Variants in LLGL2 observed in about 807,000 individuals in gnomAD.
LLGL2 encodes the protein LLGL2, scribble cell polarity complex component.
LLGL2 carries 81 observed loss-of-function variants against 123.2 expected under a neutral mutation model. The ratio of observed to expected loss-of-function variants is 0.66; its 90% CI spans 0.55 to 0.79. The LOEUF is 0.79. Ranked by LOEUF, LLGL2 falls within the 30% of genes least tolerant of loss-of-function variation. The pLI is 0.00. For missense variants in LLGL2, 1,273 were observed against 1,414.6 expected (o/e 0.90, Z 1.61); for synonymous variants, 577 against 594.1 (o/e 0.97, Z 0.42).
At chr17:75,567,969 A>C in intron 10 of LLGL2, 1 of 721,194 alleles carries the variant, frequency 1.4e-6, no homozygotes, top group Non-Finnish European at 1.7e-6. Context: ...AAAAAAAGAC[A>C]AATGGTTTAA....
intron 1 of LLGL2, among the ~76,000 whole-genome samples, chr17:75,539,533 C>T (rs1350552079): frequency 2.7e-5 from 4 of 149,762 alleles, no homozygotes; most frequent in African/African-American, 9.8e-5. Context: ...AGTGAGCCAC[C>T]GTGCCCAGCC....
At chr17:75,529,069 T>C (rs1874555223) in intron 1 of LLGL2, among the ~76,000 whole-genome samples, 1 of 151,508 alleles carries the variant, frequency 6.6e-6, no homozygotes, top group African/African-American at 2.4e-5. Context: ...GGCAGGAGAA[T>C]CGCTTGAACC....
At position 75,574,965 on chromosome 17, in the gene LLGL2, C is replaced by T; in HGVS notation, c.*87C>T. Reference sequence around the variant, plus strand: ...CCTGCCCCAACCGGAGAGGCCGGTGCACAGGGCCCCGCCAGGGGCTGGGGG... The same window carrying T: ...CCTGCCCCAACCGGAGAGGCCGGTGTACAGGGCCCCGCCAGGGGCTGGGGG... On this transcript the variant is annotated 3_prime_UTR_variant, in exon 26 of 26. Coordinates refer to ENST00000392550, the MANE Select transcript of LLGL2 (RefSeq NM_001031803.2). 1 of 1,589,562 alleles carries T rather than the reference C, an allele frequency of 6.3e-7. No homozygotes were observed. The highest frequency in any genetic ancestry group is 8.6e-7 in the Non-Finnish European group (1 of 1,158,566).
chr17:75,549,392 G>A lies in LLGL2; in HGVS notation c.75+5891G>A, dbSNP rs1173713523. ...GCAGCCACACCCATCAGGGCAAACAGGCTGCTGTGCTTGCCCGGCTGCCGC... is the reference window on the plus strand; with the variant it reads ...GCAGCCACACCCATCAGGGCAAACAAGCTGCTGTGCTTGCCCGGCTGCCGC... On this transcript the variant is annotated intron_variant, in intron 2 of 25. Coordinates refer to ENST00000392550, the MANE Select transcript of LLGL2 (RefSeq NM_001031803.2). The surrounding 1 kb of genome is among the most constrained non-coding windows in gnomAD (Gnocchi z 4.0). Among the ~76,000 whole-genome samples, 1 of 152,188 alleles carries A rather than the reference G, an allele frequency of 6.6e-6. No homozygotes were observed. The highest frequency in any genetic ancestry group is 2.4e-5 in the African/African-American group (1 of 41,448).
chr17:75,563,736 A>T lies in LLGL2; in HGVS notation c.827-16A>T, dbSNP rs1568061322. 1 of 1,614,044 alleles carries T rather than the reference A, an allele frequency of 6.2e-7. No homozygotes were observed. Among genetic ancestry groups the T allele is most frequent in the East Asian group, 2.2e-5 (1 of 44,880 alleles). Reference sequence around the variant, plus strand: ...AGAGTTTGAGGATCCGTTCAAGCCGATTCCTTTCCTTTCAGGTCCCTTTCC... The same window carrying T: ...AGAGTTTGAGGATCCGTTCAAGCCGTTTCCTTTCCTTTCAGGTCCCTTTCC... On this transcript the variant is annotated splice_polypyrimidine_tract_variant and intron_variant, in intron 8 of 25. Transcript: ENST00000392550.
Position 75,564,291 on chromosome 17 carries a change from C to A in LLGL2, c.882-62C>A. 6.4e-7 allele frequency: 1 copy of A among 1,551,038 alleles called. No individual in the cohort carries two copies. The highest frequency in any genetic ancestry group is 8.7e-7 in the Non-Finnish European group (1 of 1,151,768). The stretch of plus-strand genomic sequence containing the variant: ...ACTGAGTGGTGACTTTGATTGCCGG[C>A]CTGTGGCTGTTGAGGCTGTGCCAGG... On this transcript the variant is annotated intron_variant, in intron 9 of 25. Transcript: ENST00000392550. This position sits in a 1 kb window ranked among gnomAD's most constrained non-coding sequence, Gnocchi z 4.9.
intron 1 of LLGL2, among the ~76,000 whole-genome samples, chr17:75,541,683 A>G (rs2054211174): frequency 7.1e-6 from 1 of 141,802 alleles, no homozygotes; most frequent in Non-Finnish European, 1.5e-5. Context: ...CTGACCGTGC[A>G]GATCCTTTCA....
chr17:75,574,766 C>T (rs919772289), intron 25 of LLGL2, 98 bp downstream of exon 25: 55 of 1,588,498 alleles, frequency 3.5e-5, no homozygotes, highest in East Asian at 4.5e-5. Context: ...GGGGCTGACA[C>T]GTGCCCTGAT....
At chr17:75,528,923 C>T (rs1038381500) in intron 1 of LLGL2, among the ~76,000 whole-genome samples, 7 of 151,904 alleles carry the variant, frequency 4.6e-5, no homozygotes, top group Admixed American at 1.3e-4. Context: ...CTTTGGGAGG[C>T]GGAAGCAGGC....
rs2054731831 is a variant in LLGL2 at position 75,552,679 on chromosome 17, T to A, written c.76-3367T>A. ...AAGTACTAGATCTGTATTTAGAATT[T>A]GGATGATTTACAGTGGAAAAAGGGA... On this transcript the variant is annotated intron_variant, in intron 2 of 25. Coordinates refer to ENST00000392550, the MANE Select transcript of LLGL2 (RefSeq NM_001031803.2). Among the ~76,000 whole-genome samples the A allele has an allele frequency of 2.0e-5, 3 of 152,246 alleles. No individual in the cohort carries two copies. The South Asian group carries it at 6.2e-4, about 31-fold the overall frequency.
At position 75,568,548 on chromosome 17, in the gene LLGL2, G is replaced by T. The variant is rs750317285; in HGVS notation, c.1109G>T (p.Gly370Val). 4 of 1,613,658 alleles carry T rather than the reference G, an allele frequency of 2.5e-6. No homozygotes were observed. Among genetic ancestry groups the T allele is most frequent in the Non-Finnish European group, 3.4e-6 (4 of 1,180,002 alleles). The change falls in exon 11 of 26, where the codon GGC becomes GTC. Residue 370 changes from glycine to valine, a missense_variant. By Grantham distance (109) the Gly-to-Val change is moderately radical. Coordinates refer to ENST00000392550, the MANE Select transcript of LLGL2 (RefSeq NM_001031803.2). ...ELVVIDLQTA[G>V]WPPVQLPYLA... is the part of the protein sequence containing the mutation. ...GTGGTGATTGACCTGCAGACAGCAGGCTGGCCACCGGTCCAGCTGCCCTAC... is the reference window on the plus strand; with the variant it reads ...GTGGTGATTGACCTGCAGACAGCAGTCTGGCCACCGGTCCAGCTGCCCTAC...
In LLGL2 at chr17:75,573,481, G is replaced by T; in HGVS notation, c.2726G>T (p.Gly909Val). The T allele has an allele frequency of 3.1e-6, 5 of 1,607,406 alleles. No individual in the cohort carries two copies. Among genetic ancestry groups the T allele is most frequent in the Non-Finnish European group, 4.3e-6 (5 of 1,175,412 alleles). Residue 909 changes from glycine (G) to valine (V), a missense_variant and splice_region_variant, in exon 21 of 26, where the codon GGC becomes GTC. Physicochemically the swap from Gly to Val is moderately radical, Grantham distance 109 (BLOSUM62 -3). Coordinates refer to ENST00000392550, the MANE Select transcript of LLGL2 (RefSeq NM_001031803.2). ...ASCVFTKYGQ[G>V]FYLISPSEFE... is the part of the protein sequence containing the mutation. ...CGCTAGCATTGCCCCCACTCCCCAG[G>T]CTTCTACCTGATCTCACCCTCGGAG...
chr17:75,540,348 T>G (rs1329996308), intron 1 of LLGL2, among the ~76,000 whole-genome samples: 1 of 152,182 alleles, frequency 6.6e-6, no homozygotes, highest in Non-Finnish European at 1.5e-5. Context: ...AGCGTGGTGC[T>G]TTTCCATGCC....
Position 75,572,010 on chromosome 17 carries a change from C to A in LLGL2, c.2406C>A (p.Ser802Arg), listed in dbSNP as rs777932452. Residue 802 changes from serine (S) to arginine (R), a missense_variant, in exon 19 of 26, where the codon AGC becomes AGA. Coordinates refer to ENST00000392550, the MANE Select transcript of LLGL2 (RefSeq NM_001031803.2). ...AAGTGGCCCATGATCTGTCGAAGAG[C>A]CCTGACATGCAGGGAAGCCACCAGC... ...PLEVAHDLSK[S>R]PDMQGSHQLL... 1 of 1,612,546 alleles carries A rather than the reference C, an allele frequency of 6.2e-7. No homozygotes were observed. The highest frequency in any genetic ancestry group is 1.3e-5 in the African/African-American group (1 of 74,922).
chr17:75,574,734 G>A, intron 25 of LLGL2, 66 bp downstream of exon 25: 1 of 1,596,362 alleles, frequency 6.3e-7, no homozygotes. Flanking sequence ...AAGAGCCCCG[G>A]CCCCACTCCC....
chr17:75,528,336 C>T (rs185247444), intron 1 of LLGL2, among the ~76,000 whole-genome samples: 1,895 of 152,112 alleles, frequency 0.012, 7 homozygotes, highest in Non-Finnish European at 0.02. Flanking sequence ...AAGATGGTCT[C>T]GATCTCCTGA....
intron 20 of LLGL2, 46 bp downstream of exon 20, chr17:75,573,324 C>T (rs1030743433): frequency 9.6e-6 from 15 of 1,569,028 alleles, no homozygotes; most frequent in Non-Finnish European, 1.3e-5. Context: ...GGGCACTGCA[C>T]GGACGGGAAG....
intron 6 of LLGL2, among the ~76,000 whole-genome samples, chr17:75,561,554 G>A (rs1461501460): frequency 6.6e-6 from 1 of 152,136 alleles, no homozygotes; most frequent in African/African-American, 2.4e-5. Flanking sequence ...CCAGGAGTTG[G>A]AGGCTGCAGT....
chr17:75,538,185 G>A (rs1377241715), intron 1 of LLGL2, among the ~76,000 whole-genome samples: 1 of 152,156 alleles, frequency 6.6e-6, no homozygotes, highest in East Asian at 1.9e-4. Context: ...ATAGTGAATG[G>A]GGCCAGGGTG....
Sources: allele counts gnomAD v4.1 joint callset (sites outside exome capture counted in the v4.1 genomes callset), GRCh38; gene constraint gnomAD v4.1.1; non-coding constraint Gnocchi (gnomAD v3.1); transcripts MANE v1.5; gene names NCBI Gene and HGNC (gene_info 2026-07-23, HGNC 2026-07-21).